SYT9: variants seen among roughly 807,000 people sequenced by gnomAD.
SYT9 encodes the protein synaptotagmin 9.
In SYT9, 22 loss-of-function variants were observed where a neutral mutation model predicts 48.4. The ratio of observed to expected loss-of-function variants is 0.45; its 90% CI spans 0.32 to 0.65. The LOEUF (loss-of-function observed/expected upper bound fraction) is 0.65. Ranked by LOEUF, SYT9 falls within the 30% of genes least tolerant of loss-of-function variation. The probability of loss-of-function intolerance (pLI) is 0.03; values close to 1 mark genes in which losing one functional copy is unlikely to be tolerated. For synonymous variants in SYT9, 265 were observed against 245.0 expected, an observed-to-expected ratio of 1.08 and a Z score of -0.76; for missense variants, 577 against 622.0, an observed-to-expected ratio of 0.93 and a Z score of 0.77.
intron 3 of SYT9, among the ~76,000 whole-genome samples, chr11:7,401,977 G>A (rs75108011): frequency 0.029 from 4,466 of 151,408 alleles, 206 homozygotes; most frequent in African/African-American, 0.099. Context: ...AGCATTTACC[G>A]CTATAGATTT....
intron 6 of SYT9, among the ~76,000 whole-genome samples, chr11:7,445,669 G>GT (rs1847914402): frequency 6.6e-6 from 1 of 152,056 alleles, no homozygotes; most frequent in African/African-American, 2.4e-5. Context: ...GTCACTTTTT[G>GT]TTTTTTTCTA....
At chr11:7,304,556 C>T (rs182588361) in intron 2 of SYT9, among the ~76,000 whole-genome samples, 84 of 152,262 alleles carry the variant, frequency 5.5e-4, no homozygotes, top group Admixed American at 4.8e-3. Context: ...TCGAGTTTAT[C>T]CTAGAGGCTC....
intron 3 of SYT9, among the ~76,000 whole-genome samples, chr11:7,357,168 G>A (rs888931962): frequency 6.6e-6 from 1 of 152,176 alleles, no homozygotes; most frequent in Non-Finnish European, 1.5e-5. Context: ...GCCATGTTAA[G>A]TATTTGAGAT....
At chr11:7,369,894 ATTTTC>A (rs1255240220) in intron 3 of SYT9, among the ~76,000 whole-genome samples, 1 of 145,518 alleles carries the variant, frequency 6.9e-6, no homozygotes, top group Non-Finnish European at 1.5e-5. Context: ...TTATTCTCAA[ATTTTC>A]TTTATTTTAT....
At position 7,303,233 on chromosome 11, in the gene SYT9, G is replaced by A; in HGVS notation, c.340G>A (p.Asp114Asn). 1 of 1,614,088 alleles carries A rather than the reference G, an allele frequency of 6.2e-7. No homozygotes were observed. The highest frequency in any genetic ancestry group is 8.5e-7 in the Non-Finnish European group (1 of 1,180,016). Residue 114 changes from aspartate to asparagine, a missense_variant, in exon 2 of 7, where the codon GAC (aspartate) becomes AAC (asparagine). Physicochemically the swap from Asp to Asn is conservative, Grantham distance 23. Coordinates refer to ENST00000318881, the MANE Select transcript of SYT9 (RefSeq NM_175733.4). ...TETNEQENSE[D>N]FLDPPTPCPD... is the part of the protein sequence containing the mutation. ...GACCAATGAGCAGGAGAACAGTGAG[G>A]ACTTCCTAGATCCTCCCACGCCCTG...
At chr11:7,316,739 T>C (rs1221835818) in intron 3 of SYT9, among the ~76,000 whole-genome samples, 2 of 152,250 alleles carry the variant, frequency 1.3e-5, no homozygotes, top group Admixed American at 6.5e-5. Flanking sequence ...CACAAATTGA[T>C]CCTTCCACTG....
At chr11:7,372,658 T>G (rs1453106669) in intron 3 of SYT9, among the ~76,000 whole-genome samples, 4 of 152,142 alleles carry the variant, frequency 2.6e-5, no homozygotes, top group African/African-American at 9.7e-5. Context: ...GATTTGTGAT[T>G]TGTAGGAATT....
chr11:7,340,730 G>C (rs1381934131), intron 3 of SYT9, among the ~76,000 whole-genome samples: 2 of 152,222 alleles, frequency 1.3e-5, no homozygotes, highest in Non-Finnish European at 2.9e-5. Context: ...ATGGCTGCAA[G>C]ACAGCAAAGA....
rs542361676 is a variant in SYT9 at position 7,300,402 on chromosome 11, G to A, written c.146-2637G>A. ...AAGGTGGCATGGGCCATATTCACTC[G>A]TATTTCATTGGCCAGAGCAAGTCAT... On this transcript the variant is annotated intron_variant, in intron 1 of 6. Transcript: ENST00000318881. Among the ~76,000 whole-genome samples, 9 of 152,326 alleles carry A rather than the reference G, an allele frequency of 5.9e-5. No individual in the cohort carries two copies. The South Asian group carries it at 6.2e-4, about 11-fold the overall frequency.
At chr11:7,345,242 G>A (rs1849780039) in intron 3 of SYT9, among the ~76,000 whole-genome samples, 1 of 152,166 alleles carries the variant, frequency 6.6e-6, no homozygotes, top group Non-Finnish European at 1.5e-5. Context: ...GAGCCCACTA[G>A]GCTCTGCCTG....
intron 6 of SYT9, among the ~76,000 whole-genome samples, chr11:7,423,434 G>C (rs991185632): frequency 6.6e-6 from 1 of 152,116 alleles, no homozygotes; most frequent in Non-Finnish European, 1.5e-5. Flanking sequence ...ACCTATATTC[G>C]AATTGCTGTC....
At chr11:7,398,443 C>T (rs12223034) in intron 3 of SYT9, among the ~76,000 whole-genome samples, 21,028 of 149,730 alleles carry the variant, frequency 0.14, 2,043 homozygotes, top group African/African-American at 0.27. Context: ...AGAGTCTCAC[C>T]CTGTCGCCCA....
Position 7,303,205 on chromosome 11 carries a change from A to G in SYT9, c.312A>G (p.Thr104=), listed in dbSNP as rs751365808. 6 of 1,614,056 alleles carry G rather than the reference A, an allele frequency of 3.7e-6. No homozygotes were observed. The highest frequency in any genetic ancestry group is 4.5e-5 in the East Asian group (2 of 44,890). The change falls in exon 2 of 7, where the codon ACA becomes ACG. Residue 104 remains threonine (T), a synonymous_variant. Coordinates refer to ENST00000318881, the MANE Select transcript of SYT9 (RefSeq NM_175733.4). ...AGGAGCCCCTTAACTACATGGACAC[A>G]GAGACCAATGAGCAGGAGAACAGTG... The part of the protein sequence containing the change: ...NNQEPLNYMD[T]ETNEQENSED...
At chr11:7,369,752 T>C (rs556658244) in intron 3 of SYT9, among the ~76,000 whole-genome samples, 4 of 150,282 alleles carry the variant, frequency 2.7e-5, no homozygotes, top group African/African-American at 9.8e-5. Context: ...CTTGTTAACT[T>C]GTTAACTTTA....
chr11:7,459,852 G>A (rs1848209131), intron 6 of SYT9, among the ~76,000 whole-genome samples: 1 of 152,250 alleles, frequency 6.6e-6, no homozygotes, highest in African/African-American at 2.4e-5. Context: ...ACCACTAAGA[G>A]CTAGGAAGAG....
intron 6 of SYT9, among the ~76,000 whole-genome samples, chr11:7,423,412 G>C (rs1847391709): frequency 6.6e-6 from 1 of 152,164 alleles, no homozygotes; most frequent in Non-Finnish European, 1.5e-5. Flanking sequence ...CATTCACTTT[G>C]GAGTTGGAAG....
At chr11:7,314,075 C>T in intron 3 of SYT9, 134 bp downstream of exon 3, 1 of 1,001,000 alleles carries the variant, frequency 1.0e-6, no homozygotes, top group Non-Finnish European at 1.5e-6. Context: ...TTCAGAACCT[C>T]CTTGTACCTT....
At chr11:7,393,410 C>T (rs1459957397) in intron 3 of SYT9, among the ~76,000 whole-genome samples, 5 of 148,836 alleles carry the variant, frequency 3.4e-5, no homozygotes, top group African/African-American at 9.9e-5. Context: ...CACATTTATT[C>T]ATTTGCATAT....
intron 2 of SYT9, among the ~76,000 whole-genome samples, chr11:7,312,442 G>A (rs766696829): frequency 1.3e-5 from 2 of 152,142 alleles, no homozygotes; most frequent in East Asian, 3.9e-4. Flanking sequence ...ACAATATAAT[G>A]ACTCTAAACT....
Sources: gnomAD v4.1 joint callset for allele counts (sites outside exome capture counted in the v4.1 genomes callset) on GRCh38, gnomAD v4.1.1 for gene constraint, MANE v1.5 for transcripts, NCBI Gene and HGNC (gene_info 2026-07-23, HGNC 2026-07-21) for gene names.